Variants in SFI1 observed in about 807,000 individuals in gnomAD.
The protein encoded by SFI1 is SFI1 centrin binding protein, also known as protein SFI1 homolog.
Under a neutral mutation model 207.5 loss-of-function variants are expected in SFI1, and 195 were observed. The ratio of observed to expected loss-of-function variants is 0.94; its 90% CI spans 0.84 to 1.06. The LOEUF (loss-of-function observed/expected upper bound fraction) is 1.06. Ranked by LOEUF, SFI1 falls within the 50% of genes least tolerant of loss-of-function variation. SFI1 has a pLI of 0.00. For missense variants in SFI1, 1,634 were observed against 1,588.0 expected (o/e 1.03, Z -0.49); for synonymous variants, 630 against 598.9 (o/e 1.05, Z -0.76).
Position 31,546,859 on chromosome 22 carries a change from A to T in SFI1, c.339-2A>T. The T allele has an allele frequency of 6.3e-7, 1 of 1,577,284 alleles. No homozygotes were observed. The highest frequency in any genetic ancestry group is 8.6e-7 in the Non-Finnish European group (1 of 1,160,000). ...ATATATATGATTTTTTTTTTGCCGTAGATTTTACTATGAGCAGCGATTACT... is the reference window on the plus strand; with the variant it reads ...ATATATATGATTTTTTTTTTGCCGTTGATTTTACTATGAGCAGCGATTACT... On this transcript the variant is annotated splice_acceptor_variant, in intron 4 of 32. Coordinates refer to ENST00000400288, the MANE Select transcript of SFI1 (RefSeq NM_001007467.3). LOFTEE classifies it high-confidence loss of function.
intron 7 of SFI1, among the ~76,000 whole-genome samples, chr22:31,561,077 C>T (rs755128107): frequency 6.6e-6 from 1 of 152,142 alleles, no homozygotes; most frequent in Non-Finnish European, 1.5e-5. Flanking sequence ...CAGGATCTGA[C>T]CGTAGGAACC....
chr22:31,557,779 C>T (rs1334464479), intron 7 of SFI1, among the ~76,000 whole-genome samples: 1 of 152,166 alleles, frequency 6.6e-6, no homozygotes, highest in Non-Finnish European at 1.5e-5. Flanking sequence ...ATTGGCAAAA[C>T]TAGGGCTCAC....
intron 15 of SFI1, among the ~76,000 whole-genome samples, chr22:31,597,545 G>A (rs138058998): frequency 1.4e-4 from 21 of 152,248 alleles, no homozygotes; most frequent in African/African-American, 4.3e-4. Context: ...CAGTCTCCTC[G>A]AATGTAAAAT....
intron 31 of SFI1, 110 bp from the exon 32 acceptor site, chr22:31,618,003 CCT>C (rs2072072711): frequency 1.3e-5 from 16 of 1,242,498 alleles, no homozygotes; most frequent in South Asian, 6.2e-5. Context: ...TACCAGACCA[CCT>C]CTCTCCACCC....
intron 2 of SFI1, among the ~76,000 whole-genome samples, chr22:31,528,406 G>A (rs894570236): frequency 3.3e-5 from 5 of 152,048 alleles, no homozygotes; most frequent in Non-Finnish European, 7.4e-5. Flanking sequence ...CCTGGGCAAC[G>A]GAGTAAGAAC....
chr22:31,555,271 T>C (rs1269501424), intron 6 of SFI1, among the ~76,000 whole-genome samples: 1 of 152,124 alleles, frequency 6.6e-6, no homozygotes, highest in Non-Finnish European at 1.5e-5. Context: ...GAAGATTGCT[T>C]GGGCCCAGGA....
Position 31,501,231 on chromosome 22 carries a change from G to A in SFI1, c.-31+4594G>A, listed in dbSNP as rs865906213. 5.3e-5 allele frequency among the ~76,000 whole-genome samples: 8 copies of A among 151,524 alleles called. No homozygotes were observed. In the South Asian group the frequency reaches 1.7e-3, roughly 32 times the overall value. ...CTGTTGCCCAGGCTGGAGTGCAGTGGCGTGATCTTGGCTCACTGCAAGTTC... is the reference window on the plus strand; with the variant it reads ...CTGTTGCCCAGGCTGGAGTGCAGTGACGTGATCTTGGCTCACTGCAAGTTC... On this transcript the variant is annotated intron_variant, in intron 1 of 32. Transcript: ENST00000400288.
chr22:31,608,743 G>A (rs538412984), intron 22 of SFI1, among the ~76,000 whole-genome samples: 22 of 152,214 alleles, frequency 1.4e-4, no homozygotes, highest in African/African-American at 5.3e-4. Flanking sequence ...AGCCCCCACC[G>A]TGTTAGCGTC....
intron 4 of SFI1, among the ~76,000 whole-genome samples, chr22:31,534,848 C>T (rs1439435521): frequency 6.8e-6 from 1 of 147,930 alleles, no homozygotes; most frequent in Non-Finnish European, 1.5e-5. Context: ...TGCTCCTTAT[C>T]TTCTTTCCTC....
At chr22:31,616,921 TC>T (rs1556395600) in intron 30 of SFI1, 44 bp downstream of exon 30, 1 of 1,611,752 alleles carries the variant, frequency 6.2e-7, no homozygotes, top group Non-Finnish European at 8.5e-7. Context: ...CTCAGGCCAC[TC>T]CCGGACCTGG....
chr22:31,587,352 A>G, intron 14 of SFI1: 1 of 376,536 alleles, frequency 2.7e-6, no homozygotes, highest in Non-Finnish European at 5.6e-6. Context: ...CCCAGGCTGG[A>G]GTACAGTGGC....
chr22:31,553,987 C>T (rs1043956478), intron 6 of SFI1, among the ~76,000 whole-genome samples: 1 of 150,934 alleles, frequency 6.6e-6, no homozygotes, highest in Non-Finnish European at 1.5e-5. Context: ...AGACAATGCC[C>T]CACCATACCT....
chr22:31,518,201 G>C (rs1042706913), intron 2 of SFI1, among the ~76,000 whole-genome samples: 30 of 152,232 alleles, frequency 2.0e-4, no homozygotes, highest in African/African-American at 7.0e-4. Flanking sequence ...TGGCCAGGCT[G>C]GTGGTCTTGA....
chr22:31,594,598 G>A (rs1253882661), intron 15 of SFI1, among the ~76,000 whole-genome samples: 1 of 148,528 alleles, frequency 6.7e-6, no homozygotes, highest in East Asian at 2.0e-4. Flanking sequence ...GCTCATGTCT[G>A]TAATCCCAGC....
At chr22:31,515,922 G>C (rs1403501153) in intron 2 of SFI1, among the ~76,000 whole-genome samples, 1 of 151,612 alleles carries the variant, frequency 6.6e-6, no homozygotes, top group Admixed American at 6.6e-5. Context: ...ATTATTAGTA[G>C]AGACGGAGTT....
chr22:31,498,304 AT>A (rs892200922), intron 1 of SFI1, among the ~76,000 whole-genome samples: 7 of 151,302 alleles, frequency 4.6e-5, no homozygotes, highest in Admixed American at 4.0e-4. Context: ...TATCAAAAAA[AT>A]ATATATATAT....
chr22:31,498,823 A>T (rs1275425734), intron 1 of SFI1, among the ~76,000 whole-genome samples: 1 of 151,622 alleles, frequency 6.6e-6, no homozygotes, highest in Non-Finnish European at 1.5e-5. Flanking sequence ...CAACCTCATG[A>T]TAAAACTTGG....
intron 4 of SFI1, among the ~76,000 whole-genome samples, chr22:31,534,202 A>G (rs2058767969): frequency 6.6e-6 from 1 of 152,156 alleles, no homozygotes. Flanking sequence ...CATGTTGGCC[A>G]GGCTGGTCTT....
At chr22:31,536,678 G>A (rs1460536447) in intron 4 of SFI1, among the ~76,000 whole-genome samples, 1 of 152,172 alleles carries the variant, frequency 6.6e-6, no homozygotes, top group Non-Finnish European at 1.5e-5. Flanking sequence ...CTCCCAAAAT[G>A]CTGGGATTAC....
Sources: gnomAD v4.1 joint callset for allele counts (sites outside exome capture counted in the v4.1 genomes callset) on GRCh38, gnomAD v4.1.1 for gene constraint, MANE v1.5 for transcripts, NCBI Gene and HGNC (gene_info 2026-07-23, HGNC 2026-07-21) for gene names.